The following TENM3 variants were observed in gnomAD, a reference collection of about 807,000 sequenced individuals.
The protein encoded by TENM3 is teneurin transmembrane protein 3, also known as teneurin-3.
In TENM3, 63 loss-of-function variants were observed where a neutral mutation model predicts 255.1. That is an observed-to-expected ratio of 0.25 (90% CI 0.20 to 0.30). The LOEUF is 0.30. Ranked by LOEUF, TENM3 falls within the 10% of genes least tolerant of loss-of-function variation. The pLI is 1.00. For missense variants in TENM3, 2,929 were observed against 3,461.1 expected (o/e 0.85, Z 3.86); for synonymous variants, 1,306 against 1,322.3 (o/e 0.99, Z 0.27).
chr4:182,484,231 C>T (rs1490492983), intron 3 of TENM3, among the ~76,000 whole-genome samples: 1 of 152,090 alleles, frequency 6.6e-6, no homozygotes, highest in East Asian at 1.9e-4. Context: ...ACTATTTTTA[C>T]CACCCATTTT....
chr4:181,886,300 A>G, the TENM3 span, among the ~76,000 whole-genome samples: 1 of 152,004 alleles, frequency 6.6e-6, no homozygotes, highest in Non-Finnish European at 1.5e-5. Flanking sequence ...TGATCCGCCT[A>G]CCTCAGCCTC....
the TENM3 span, among the ~76,000 whole-genome samples, chr4:181,546,057 C>T: frequency 6.6e-6 from 1 of 152,144 alleles, no homozygotes; most frequent in Non-Finnish European, 1.5e-5. Flanking sequence ...CCACGGTTTC[C>T]CTATCTGACA....
chr4:181,876,391 T>C, the TENM3 span, among the ~76,000 whole-genome samples: 5 of 152,200 alleles, frequency 3.3e-5, no homozygotes, highest in African/African-American at 1.2e-4. Context: ...TTTTCTTTTA[T>C]GACAGAGCTT....
chr4:182,630,874 C>T (rs1751306443), intron 5 of TENM3, among the ~76,000 whole-genome samples: 1 of 151,854 alleles, frequency 6.6e-6, no homozygotes, highest in African/African-American at 2.4e-5. Context: ...TGATAAGTGC[C>T]TGTGTGCTTC....
the TENM3 span, among the ~76,000 whole-genome samples, chr4:181,897,895 T>C: frequency 6.6e-6 from 1 of 152,200 alleles, no homozygotes; most frequent in Admixed American, 6.5e-5. Flanking sequence ...TATGCTTCCA[T>C]CAGAAATGGG....
chr4:181,603,323 C>T, the TENM3 span, among the ~76,000 whole-genome samples: 1 of 151,898 alleles, frequency 6.6e-6, no homozygotes, highest in Non-Finnish European at 1.5e-5. Context: ...TTGTTGGGGG[C>T]GTCTATGGAA....
chr4:182,378,568 G>T (rs1196737874), intron 3 of TENM3, among the ~76,000 whole-genome samples: 2 of 152,120 alleles, frequency 1.3e-5, no homozygotes, highest in Non-Finnish European at 2.9e-5. Context: ...TGGAAGGAAA[G>T]CATCGCAAAG....
At position 182,799,693 on chromosome 4, in the gene TENM3, G is replaced by T; in HGVS notation, c.7442G>T (p.Gly2481Val). Residue 2481 changes from glycine to valine, a missense_variant, in exon 28 of 28, where the codon GGC (glycine) becomes GTC (valine). By Grantham distance (109) the Gly-to-Val change is moderately radical (BLOSUM62 -3). This residue lies in a region of TENM3 where 476 missense variants were observed against 480.1 expected (regional missense o/e 0.99). Coordinates refer to ENST00000511685, the MANE Select transcript of TENM3 (RefSeq NM_001080477.4). The surrounding 1 kb of genome is among the most constrained non-coding windows in gnomAD (Gnocchi z 4.2). ...GTGCAGGTGAGCCGGCGCCGGGCCG[G>T]CGGCGCGCAGTCCTGGCTGTGGTTC... Reference protein sequence around the residue: ...AEVQVSRRRAGGAQSWLWFAT... With the variant: ...AEVQVSRRRAVGAQSWLWFAT... 1 of 1,549,422 alleles carries T rather than the reference G, an allele frequency of 6.5e-7. No homozygotes were observed. The highest frequency in any genetic ancestry group is 8.7e-7 in the Non-Finnish European group (1 of 1,146,570).
chr4:182,076,077 T>C, the TENM3 span, among the ~76,000 whole-genome samples: 3 of 151,994 alleles, frequency 2.0e-5, no homozygotes, highest in Non-Finnish European at 2.9e-5. Context: ...CAATGCCTAA[T>C]TTTTTTATTT....
the TENM3 span, among the ~76,000 whole-genome samples, chr4:181,595,640 G>C: frequency 2.6e-5 from 4 of 152,144 alleles, no homozygotes; most frequent in South Asian, 8.3e-4. Context: ...GTGCATTATA[G>C]TCTAAAAAAC....
At chr4:182,217,445 G>A (rs549340173) in intron 1 of TENM3, among the ~76,000 whole-genome samples, 1 of 152,294 alleles carries the variant, frequency 6.6e-6, no homozygotes, top group East Asian at 1.9e-4. Flanking sequence ...GTTTCTGAGT[G>A]TTTCTAAAGA....
the TENM3 span, among the ~76,000 whole-genome samples, chr4:181,532,739 T>C: frequency 1.3e-5 from 2 of 152,220 alleles, no homozygotes; most frequent in South Asian, 2.1e-4. Flanking sequence ...TTTTATATCC[T>C]AGTAGCTTTT....
the TENM3 span, among the ~76,000 whole-genome samples, chr4:181,966,237 A>T: frequency 6.6e-6 from 1 of 152,044 alleles, no homozygotes; most frequent in Non-Finnish European, 1.5e-5. Context: ...ACACAGGGAG[A>T]TTTATTCAGC....
the TENM3 span, among the ~76,000 whole-genome samples, chr4:181,863,186 A>C: frequency 6.6e-6 from 1 of 152,158 alleles, no homozygotes; most frequent in African/African-American, 2.4e-5. Context: ...GAATATATTA[A>C]TTTCACCAAG....
At chr4:182,688,966 CAGAT>C (rs1420568733) in intron 12 of TENM3, among the ~76,000 whole-genome samples, 3 of 152,124 alleles carry the variant, frequency 2.0e-5, no homozygotes, top group African/African-American at 7.2e-5. Flanking sequence ...ATAAAACCAT[CAGAT>C]AGATGTTTCA....
At chr4:181,609,639 T>A in the TENM3 span, among the ~76,000 whole-genome samples, 1 of 152,258 alleles carries the variant, frequency 6.6e-6, no homozygotes, top group Non-Finnish European at 1.5e-5. Flanking sequence ...TGACCACATA[T>A]GTTGTGCATT....
chr4:182,756,742 C>T (rs1762770243), intron 22 of TENM3, among the ~76,000 whole-genome samples: 1 of 152,130 alleles, frequency 6.6e-6, no homozygotes. Flanking sequence ...TCTTTTTTGA[C>T]AGATTCCCTT....
chr4:181,926,793 C>A, the TENM3 span, among the ~76,000 whole-genome samples: 1 of 151,972 alleles, frequency 6.6e-6, no homozygotes, highest in East Asian at 1.9e-4. Flanking sequence ...GTGATTTCTG[C>A]ATTTCCAACT....
chr4:181,488,328 G>A, the TENM3 span, among the ~76,000 whole-genome samples: 1 of 152,062 alleles, frequency 6.6e-6, no homozygotes, highest in Admixed American at 6.6e-5. Flanking sequence ...GAGAAGTCGG[G>A]GTTTGGCAGC....
Sources: allele counts gnomAD v4.1 joint callset (sites outside exome capture counted in the v4.1 genomes callset), GRCh38; gene constraint gnomAD v4.1.1; regional missense constraint gnomAD v4.1.1; non-coding constraint Gnocchi (gnomAD v3.1); transcripts MANE v1.5; gene names NCBI Gene and HGNC (gene_info 2026-07-23, HGNC 2026-07-21).